GABRB2: variants seen among roughly 807,000 people sequenced by gnomAD.
The protein encoded by GABRB2 is gamma-aminobutyric acid type A receptor subunit beta2.
Under a neutral mutation model 54.7 loss-of-function variants are expected in GABRB2, and 16 were observed. That is an observed-to-expected ratio of 0.29 (90% CI 0.20 to 0.44). GABRB2 has a LOEUF of 0.44. Among genes scored for constraint, GABRB2 ranks in the 20% least tolerant of loss-of-function variants. The pLI is 1.00. For synonymous variants in GABRB2, 244 were observed against 233.8 expected, an observed-to-expected ratio of 1.04 and a Z score of -0.40; for missense variants, 355 against 644.0, an observed-to-expected ratio of 0.55 and a Z score of 4.86.
chr5:161,459,598 T>C, intron 4 of GABRB2, 26 bp downstream of exon 4: 2 of 1,579,962 alleles, frequency 1.3e-6, no homozygotes, highest in South Asian at 1.1e-5. Flanking sequence ...CAGGAAAAGT[T>C]ATATTTTGAA....
At chr5:161,327,361 TTTTG>T (rs1758398027) in intron 8 of GABRB2, among the ~76,000 whole-genome samples, 2 of 152,146 alleles carry the variant, frequency 1.3e-5, no homozygotes, top group African/African-American at 2.4e-5. Context: ...GCTTTTCAGT[TTTTG>T]TTTGTTTTTT....
intron 4 of GABRB2, among the ~76,000 whole-genome samples, chr5:161,436,315 G>A (rs191825322): frequency 1.1e-3 from 160 of 152,216 alleles, no homozygotes; most frequent in Middle Eastern, 0.01. Flanking sequence ...GGTGGATTAC[G>A]AGGTCAGTAG....
chr5:161,301,578 T>A (rs1457994728), intron 9 of GABRB2, among the ~76,000 whole-genome samples: 1 of 152,186 alleles, frequency 6.6e-6, no homozygotes, highest in Non-Finnish European at 1.5e-5. Context: ...GCCATGGGAA[T>A]TTTGTTGTTA....
intron 3 of GABRB2, among the ~76,000 whole-genome samples, chr5:161,525,282 T>C (rs559986344): frequency 1.3e-4 from 19 of 151,486 alleles, no homozygotes; most frequent in African/African-American, 4.6e-4. Flanking sequence ...GAGATAAGCA[T>C]GATCATCAAG....
intron 3 of GABRB2, among the ~76,000 whole-genome samples, chr5:161,460,735 A>G (rs374959041): frequency 2.0e-5 from 3 of 152,246 alleles, no homozygotes; most frequent in African/African-American, 7.2e-5. Context: ...GGTAAACAAG[A>G]CAGATTAAAT....
At chr5:161,477,471 T>C (rs1758629147) in intron 3 of GABRB2, among the ~76,000 whole-genome samples, 1 of 151,766 alleles carries the variant, frequency 6.6e-6, no homozygotes, top group Non-Finnish European at 1.5e-5. Context: ...ATATCCAAAA[T>C]AATTGAAAGT....
intron 4 of GABRB2, among the ~76,000 whole-genome samples, chr5:161,453,423 T>C (rs1213295850): frequency 1.3e-5 from 2 of 152,176 alleles, no homozygotes; most frequent in Non-Finnish European, 2.9e-5. Context: ...GGGGAGAAGA[T>C]TAGGTCTTGA....
rs554326848 is a variant in GABRB2 at position 161,424,288 on chromosome 5, T to C, written c.459-13231A>G. Among the ~76,000 whole-genome samples the C allele has an allele frequency of 5.3e-5, 8 of 152,144 alleles. No homozygotes were observed. In the South Asian group the frequency reaches 1.2e-3, roughly 24 times the overall value. On this transcript the variant is annotated intron_variant, in intron 4 of 9. Transcript: ENST00000393959. ...AGCCTTCCACTGGAAGAAGATGCTA[T>C]CTAGGACTTTCATAGCTAGAGAGGA...
chr5:161,412,930 G>T (rs1185401487), intron 4 of GABRB2, among the ~76,000 whole-genome samples: 1 of 152,116 alleles, frequency 6.6e-6, no homozygotes, highest in Non-Finnish European at 1.5e-5. Context: ...TTTAGAGACA[G>T]GTTCTTTCTT....
Position 161,459,621 on chromosome 5 carries a change from G to C in GABRB2, c.458+3C>G. The C allele has an allele frequency of 6.2e-7, 1 of 1,612,084 alleles. No individual in the cohort carries two copies. The highest frequency in any genetic ancestry group is 8.5e-7 in the Non-Finnish European group (1 of 1,178,186). ...GTTATATTTTGAATTGGGGACAACA[G>C]ACCTGAGTCCATAAAGGACGGTGCC... On this transcript the variant is annotated splice_donor_region_variant and intron_variant, in intron 4 of 9. Coordinates refer to ENST00000393959, the MANE Select transcript of GABRB2 (RefSeq NM_001371727.1).
Position 161,525,863 on chromosome 5 carries a change from A to G in GABRB2, c.237+19364T>C, listed in dbSNP as rs369160688. Among the ~76,000 whole-genome samples, 76 of 151,524 alleles carry G rather than the reference A, an allele frequency of 5.0e-4. 1 individual carries two copies. In the South Asian group the frequency reaches 0.015, roughly 30 times the overall value. On this transcript the variant is annotated intron_variant, in intron 3 of 9. Coordinates refer to ENST00000393959, the MANE Select transcript of GABRB2 (RefSeq NM_001371727.1). ...ATAAGTTCTTATTTAAACAGAAAAA[A>G]TAAAAATTTCATACCCAAATTTATA... is the stretch of plus-strand genomic sequence containing the variant.
intron 5 of GABRB2, among the ~76,000 whole-genome samples, chr5:161,410,390 TCACACACA>T (rs908008452): frequency 1.7e-5 from 1 of 59,780 alleles, no homozygotes; most frequent in Non-Finnish European, 6.4e-5. Context: ...AACAGAATTC[TCACACACA>T]CACACACACA....
intron 3 of GABRB2, among the ~76,000 whole-genome samples, chr5:161,490,351 T>G (rs973469625): frequency 6.6e-6 from 1 of 151,636 alleles, no homozygotes; most frequent in Non-Finnish European, 1.5e-5. Context: ...AATTCAGGGT[T>G]AGAGCCTGGT....
Position 161,540,303 on chromosome 5 carries a change from C to A in GABRB2, c.237+4924G>T, listed in dbSNP as rs1484129183. Among the ~76,000 whole-genome samples the A allele has an allele frequency of 5.9e-5, 9 of 152,230 alleles. No individual in the cohort carries two copies. In the East Asian group the frequency reaches 1.5e-3, roughly 26 times the overall value. On this transcript the variant is annotated intron_variant, in intron 3 of 9. Transcript: ENST00000393959. ...CCATCTCAAGAAACCACATTCTTTG[C>A]TCATCCTTAAGAAGCAACTTGTGCA... is the stretch of plus-strand genomic sequence containing the variant.
At chr5:161,447,065 T>C (rs1160552538) in intron 4 of GABRB2, among the ~76,000 whole-genome samples, 1 of 152,168 alleles carries the variant, frequency 6.6e-6, no homozygotes, top group Non-Finnish European at 1.5e-5. Context: ...GCAACCAATC[T>C]TTACAAACAA....
chr5:161,535,989 G>C (rs1760622840), intron 3 of GABRB2, among the ~76,000 whole-genome samples: 1 of 152,116 alleles, frequency 6.6e-6, no homozygotes. Context: ...TGATGTCTCT[G>C]CACAGGAAGC....
At chr5:161,333,832 G>A (rs897000782) in intron 7 of GABRB2, among the ~76,000 whole-genome samples, 19 of 152,028 alleles carry the variant, frequency 1.2e-4, no homozygotes, top group East Asian at 1.2e-3. Flanking sequence ...GAGTGAAGTC[G>A]GCCCTAATTA....
intron 3 of GABRB2, among the ~76,000 whole-genome samples, chr5:161,472,708 A>G (rs1184450055): frequency 2.0e-5 from 3 of 151,916 alleles, no homozygotes; most frequent in African/African-American, 7.2e-5. Flanking sequence ...TGAGGGGCCT[A>G]AAGTAATTAG....
intron 9 of GABRB2, among the ~76,000 whole-genome samples, chr5:161,297,630 G>A (rs546121830): frequency 6.6e-6 from 1 of 152,202 alleles, no homozygotes; most frequent in African/African-American, 2.4e-5. Flanking sequence ...TTTTATGGCT[G>A]TATAGTATTC....
Sources: gnomAD v4.1 joint callset for allele counts (sites outside exome capture counted in the v4.1 genomes callset) on GRCh38, gnomAD v4.1.1 for gene constraint, MANE v1.5 for transcripts, NCBI Gene and HGNC (gene_info 2026-07-23, HGNC 2026-07-21) for gene names.